FHAD1: variants seen among roughly 807,000 people sequenced by gnomAD.
FHAD1 encodes the protein forkhead associated phosphopeptide binding domain 1, also known as forkhead-associated domain-containing protein 1.
A neutral mutation model predicts 191.3 loss-of-function variants in FHAD1; 146 were observed. That is an observed-to-expected ratio of 0.76 (90% CI 0.67 to 0.88). The LOEUF (loss-of-function observed/expected upper bound fraction) is 0.88. FHAD1 is among the 40% of genes least tolerant of loss of function. FHAD1 has a pLI of 0.00. For synonymous variants in FHAD1, 616 were observed against 672.3 expected (o/e 0.92, Z 1.29); for missense variants, 1,635 against 1,785.8 (o/e 0.92, Z 1.52).
At chr1:15,314,756 T>TAAGCATA (rs1385781589) in intron 8 of FHAD1, among the ~76,000 whole-genome samples, 2 of 82,192 alleles carry the variant, frequency 2.4e-5, no homozygotes, top group Non-Finnish European at 2.6e-5. Flanking sequence ...GTGTGGTGTG[T>TAAGCATA]GGGGGTGTAT....
chr1:15,400,320 C>A (rs1393679556), downstream of FHAD1: 3 of 152,234 alleles, frequency 2.0e-5, no homozygotes, highest in African/African-American at 7.2e-5. Flanking sequence ...TGCTGTGGAA[C>A]AAACCACCCA....
At chr1:15,362,376 C>T (rs1695086967) in intron 22 of FHAD1, among the ~76,000 whole-genome samples, 1 of 152,192 alleles carries the variant, frequency 6.6e-6, no homozygotes, top group African/African-American at 2.4e-5. Context: ...AGTGGGTCGC[C>T]GGCAGCTTCC....
intron 28 of FHAD1, among the ~76,000 whole-genome samples, chr1:15,376,760 G>T (rs1274866161): frequency 6.6e-6 from 1 of 152,210 alleles, no homozygotes. Context: ...AATAGGCCAG[G>T]TGTGGTGGCT....
intron 2 of FHAD1, among the ~76,000 whole-genome samples, chr1:15,263,654 TGG>T (rs1190210128): frequency 1.4e-4 from 21 of 152,010 alleles, no homozygotes; most frequent in Non-Finnish European, 2.6e-4. Context: ...CCCAAGTAGC[TGG>T]GACTACAGGC....
intron 18 of FHAD1, among the ~76,000 whole-genome samples, chr1:15,348,827 C>T (rs922737274): frequency 7.2e-5 from 11 of 152,094 alleles, no homozygotes; most frequent in Non-Finnish European, 1.5e-5. Context: ...TCCTGCTCCT[C>T]GGTTTCCTCA....
Position 15,316,022 on chromosome 1 carries a change from A to C in FHAD1, c.1171-356A>C, listed in dbSNP as rs528969821. Among the ~76,000 whole-genome samples, 43 of 152,362 alleles carry C rather than the reference A, an allele frequency of 2.8e-4. No individual in the cohort carries two copies. In the Middle Eastern group the frequency reaches 0.01, roughly 36 times the overall value. On this transcript the variant is annotated intron_variant, in intron 8 of 33. Transcript: ENST00000688493. This position sits in a 1 kb window ranked among gnomAD's most constrained non-coding sequence, Gnocchi z 4.3. The stretch of plus-strand genomic sequence containing the variant: ...GTGGTGTCTTGGAGGAGTGAATTGC[A>C]TGAAGCACTGAGAGCCGTCCAGGCT...
At chr1:15,259,398 C>G (rs1649919611) in intron 2 of FHAD1, among the ~76,000 whole-genome samples, 1 of 152,140 alleles carries the variant, frequency 6.6e-6, no homozygotes, top group Non-Finnish European at 1.5e-5. Context: ...ATAACTTGCC[C>G]CAAATCACAC....
At chr1:15,269,101 A>G (rs1393921065) in intron 2 of FHAD1, among the ~76,000 whole-genome samples, 6 of 152,020 alleles carry the variant, frequency 3.9e-5, no homozygotes, top group Admixed American at 2.0e-4. Flanking sequence ...TGTCAGTTCT[A>G]TTGATCTTTC....
intron 14 of FHAD1, among the ~76,000 whole-genome samples, chr1:15,333,282 G>C (rs572922304): frequency 6.6e-6 from 1 of 152,218 alleles, no homozygotes; most frequent in African/African-American, 2.4e-5. Context: ...CTAATTCCTA[G>C]CCCAGAGCTA....
At position 15,369,502 on chromosome 1, in the gene FHAD1, G is replaced by C; in HGVS notation, c.3447G>C (p.Glu1149Asp). ...CTGAGGCCTTCTCCAGCAGCCAAGAGGTGAGTGCCACCCACTCCTGGGTAC... is the reference window on the plus strand; with the variant it reads ...CTGAGGCCTTCTCCAGCAGCCAAGACGTGAGTGCCACCCACTCCTGGGTAC... ...VHTEAFSSSQ[E>D]QQSFSDLGVR... Residue 1149 changes from glutamate to aspartate, a missense_variant and splice_region_variant, in exon 26 of 34, where the codon GAG (glutamate) becomes GAC (aspartate). Transcript: ENST00000688493. 5 of 1,551,710 alleles carry C rather than the reference G, an allele frequency of 3.2e-6. No homozygotes were observed. In the African/African-American group the frequency reaches 5.5e-5, roughly 17 times the overall value.
At chr1:15,339,411 T>C (rs975242300) in intron 14 of FHAD1, 70 bp from the exon 15 acceptor site, 14 of 719,070 alleles carry the variant, frequency 1.9e-5, no homozygotes, top group Non-Finnish European at 2.9e-5. Flanking sequence ...CAACGTTGCT[T>C]TCATCCACCT....
At position 15,358,165 on chromosome 1, in the gene FHAD1, C is replaced by T; in HGVS notation, c.2618C>T (p.Ala873Val). The change falls in exon 21 of 34, where the codon GCA becomes GTA. Residue 873 changes from alanine (A) to valine (V), a missense_variant. Transcript: ENST00000688493. ...GTTTTAAATAATAAATTAAGTGACG[C>T]ACTGGCCATGGTTGAAGAGACTCAG... ...EDVLNNKLSD[A>V]LAMVEETQKT... is the part of the protein sequence containing the mutation. The T allele has an allele frequency of 1.3e-6, 2 of 1,530,392 alleles. No homozygotes were observed. The highest frequency in any genetic ancestry group is 4.9e-5 in the East Asian group (2 of 40,452). 94.8% of individuals were successfully genotyped at this position (1,530,392 alleles called of 1,614,324 possible).
At chr1:15,345,657 A>G in intron 18 of FHAD1, 134 bp downstream of exon 18, 1 of 725,920 alleles carries the variant, frequency 1.4e-6, no homozygotes, top group South Asian at 1.7e-5. Context: ...GGGTGGGCTC[A>G]GCTACTTTGG....
chr1:15,264,371 T>C (rs75693959), intron 2 of FHAD1, among the ~76,000 whole-genome samples: 2,570 of 152,298 alleles, frequency 0.017, 71 homozygotes, highest in African/African-American at 0.058. Context: ...AGTTTATTTC[T>C]AATATTTTCT....
chr1:15,247,735 ACT>A (rs1237662487), intron 1 of FHAD1, among the ~76,000 whole-genome samples: 1 of 151,564 alleles, frequency 6.6e-6, no homozygotes, highest in Non-Finnish European at 1.5e-5. Context: ...GGTCAGAGAG[ACT>A]CCCCCCTTGC....
chr1:15,365,261 T>A (rs1397801932), intron 23 of FHAD1, among the ~76,000 whole-genome samples: 1 of 152,182 alleles, frequency 6.6e-6, no homozygotes, highest in East Asian at 1.9e-4. Context: ...ATCAGTCTCA[T>A]GCAAGGCATG....
At chr1:15,307,395 A>G (rs1337740906) in intron 6 of FHAD1, among the ~76,000 whole-genome samples, 1 of 152,012 alleles carries the variant, frequency 6.6e-6, no homozygotes, top group African/African-American at 2.4e-5. Flanking sequence ...ACTTTGGGGG[A>G]CTATTGGGAA....
At chr1:15,367,306 G>A (rs1424785518) in intron 24 of FHAD1, among the ~76,000 whole-genome samples, 157 bp from the exon 25 acceptor site, 2 of 152,050 alleles carry the variant, frequency 1.3e-5, no homozygotes, top group Non-Finnish European at 1.5e-5. Flanking sequence ...GACCAGCCTG[G>A]CCAACATGGT....
chr1:15,358,132 A>G lies in FHAD1; in HGVS notation c.2585A>G (p.Lys862Arg). 1 of 1,511,970 alleles carries G rather than the reference A, an allele frequency of 6.6e-7. No individual in the cohort carries two copies. The highest frequency in any genetic ancestry group is 8.8e-7 in the Non-Finnish European group (1 of 1,137,128). The allele number at this position is 1,511,970 out of a possible 1,614,324, so 93.7% of individuals were successfully genotyped here. ...TAGGAATTAGAATTAAAAGAGCAAA[A>G]AGAGGACGTTTTAAATAATAAATTA... is the stretch of plus-strand genomic sequence containing the variant. ...QKEELELKEQ[K>R]EDVLNNKLSD... Residue 862 changes from lysine (K) to arginine (R), a missense_variant, in exon 21 of 34, where the codon AAA becomes AGA. Lys to Arg is a conservative substitution (Grantham distance 26). Transcript: ENST00000688493.
Sources: gnomAD v4.1 joint callset for allele counts (sites outside exome capture counted in the v4.1 genomes callset) on GRCh38, gnomAD v4.1.1 for gene constraint, Gnocchi (gnomAD v3.1) non-coding constraint, MANE v1.5 for transcripts, NCBI Gene and HGNC (gene_info 2026-07-23, HGNC 2026-07-21) for gene names.